MYPN: variants seen among roughly 807,000 people sequenced by gnomAD.
The protein encoded by MYPN is myopalladin.
MYPN carries 63 observed loss-of-function variants against 129.4 expected under a neutral mutation model. That is an observed-to-expected ratio of 0.49 (90% confidence interval 0.40 to 0.60). MYPN has a LOEUF of 0.60. Among genes scored for constraint, MYPN ranks in the 20% least tolerant of loss-of-function variants. The pLI is 0.00. For synonymous variants in MYPN, 629 were observed against 600.9 expected (o/e 1.05, Z -0.68); for missense variants, 1,596 against 1,635.4 (o/e 0.98, Z 0.42).
rs372631277 is a variant in MYPN at position 68,175,068 on chromosome 10, G to A, written c.2565-255G>A. Among the ~76,000 whole-genome samples, 27 of 151,330 alleles carry A rather than the reference G, an allele frequency of 1.8e-4. 1 individual carries two copies. The East Asian group carries it at 2.0e-3, about 11-fold the overall frequency. ...AGGAGAATCATTGAACCCAAGAGGC[G>A]GAGGTTGCAGTGAGCCGAGATCACA... On this transcript the variant is annotated intron_variant, in intron 11 of 19. Transcript: ENST00000358913.
chr10:68,177,183 A>C (rs1401337945), intron 12 of MYPN, among the ~76,000 whole-genome samples: 1 of 152,230 alleles, frequency 6.6e-6, no homozygotes, highest in Non-Finnish European at 1.5e-5. Flanking sequence ...GTGTACATGT[A>C]AACGTGAAAT....
At chr10:68,124,091 C>T (rs1462997050) in intron 2 of MYPN, among the ~76,000 whole-genome samples, 1 of 152,174 alleles carries the variant, frequency 6.6e-6, no homozygotes, top group Non-Finnish European at 1.5e-5. Flanking sequence ...GTGCAAGTTT[C>T]AGGACGCCTC....
At chr10:68,126,409 G>A (rs1282563007) in intron 2 of MYPN, among the ~76,000 whole-genome samples, 1 of 152,172 alleles carries the variant, frequency 6.6e-6, no homozygotes, top group Admixed American at 6.5e-5. Context: ...AACCATTTAA[G>A]GTTATGTATA....
In MYPN at chr10:68,194,459, T is replaced by G. The variant is rs745989096; in HGVS notation, c.3022T>G (p.Ser1008Ala). 6.2e-7 allele frequency: 1 copy of G among 1,613,936 alleles called. No individual in the cohort carries two copies. ...GDGTCSLHIESTTSDDDGNYT... is the reference protein window; with the variant it reads ...GDGTCSLHIEATTSDDDGNYT... ...TGGGACATGCTCTCTGCACATTGAATCCACTACCAGTGATGACGATGGCAA... is the reference window on the plus strand; with the variant it reads ...TGGGACATGCTCTCTGCACATTGAAGCCACTACCAGTGATGACGATGGCAA... Residue 1008 changes from serine to alanine, a missense_variant, in exon 14 of 20, where the codon TCC becomes GCC. Coordinates refer to ENST00000358913, the MANE Select transcript of MYPN (RefSeq NM_032578.4).
At chr10:68,188,807 C>A (rs1370631563) in intron 12 of MYPN, 98 bp from the exon 13 acceptor site, 2 of 977,666 alleles carry the variant, frequency 2.0e-6, no homozygotes, top group Non-Finnish European at 3.2e-6. Flanking sequence ...TGGTATAAAT[C>A]TAACGTCTGA....
Position 68,142,922 on chromosome 10 carries a change from A to G in MYPN, c.903-18A>G. 1 of 1,613,310 alleles carries G rather than the reference A, an allele frequency of 6.2e-7. No individual in the cohort carries two copies. The highest frequency in any genetic ancestry group is 8.5e-7 in the Non-Finnish European group (1 of 1,179,208). On this transcript the variant is annotated intron_variant, in intron 2 of 19. Transcript: ENST00000358913. ...TGCATTTGAGTCATGTCCAATGACC[A>G]TATCCTTTTCCCTGCAGGTGGTACT...
At chr10:68,158,136 T>C in intron 6 of MYPN, 1 of 225,498 alleles carries the variant, frequency 4.4e-6, no homozygotes, top group Admixed American at 5.2e-5. Context: ...CAGAATTAAT[T>C]CAGCTGATCA....
intron 1 of MYPN, among the ~76,000 whole-genome samples, chr10:68,119,151 G>C (rs1365920430): frequency 6.6e-6 from 1 of 151,882 alleles, no homozygotes; most frequent in Non-Finnish European, 1.5e-5. Context: ...ACATGTAGTT[G>C]GTGCACAAAT....
intron 2 of MYPN, among the ~76,000 whole-genome samples, chr10:68,131,966 TTTGGGTGTGTTC>T (rs1311997720): frequency 6.6e-6 from 1 of 152,182 alleles, no homozygotes; most frequent in African/African-American, 2.4e-5. Context: ...TCTATAGATT[TTTGGGTGTGTTC>T]TTCCTTTATA....
chr10:68,131,362 C>T (rs1338595946), intron 2 of MYPN, among the ~76,000 whole-genome samples: 1 of 150,926 alleles, frequency 6.6e-6, no homozygotes, highest in Non-Finnish European at 1.5e-5. Flanking sequence ...GCACTCCAGC[C>T]TGGGCAACAG....
At chr10:68,150,312 G>T (rs1041800196) in intron 6 of MYPN, among the ~76,000 whole-genome samples, 3 of 152,110 alleles carry the variant, frequency 2.0e-5, no homozygotes, top group Admixed American at 1.3e-4. Context: ...TGAGAGAAAT[G>T]TCTTTCCCTC....
chr10:68,124,059 G>C lies in MYPN; in HGVS notation c.902+1719G>C, dbSNP rs192622896. ...ATCTTTTATTTGCCTACCATGGTCA[G>C]CTTTTCTGTGAGGCAAATGCAGTGC... On this transcript the variant is annotated intron_variant, in intron 2 of 19. Coordinates refer to ENST00000358913, the MANE Select transcript of MYPN (RefSeq NM_032578.4). Among the ~76,000 whole-genome samples, 284 of 152,296 alleles carry C rather than the reference G, an allele frequency of 1.9e-3. 1 individual carries two copies. The highest frequency in any genetic ancestry group is 6.5e-3 in the African/African-American group (272 of 41,564).
intron 6 of MYPN, among the ~76,000 whole-genome samples, chr10:68,156,688 G>A (rs2042880489): frequency 6.6e-6 from 1 of 152,122 alleles, no homozygotes; most frequent in South Asian, 2.1e-4. Context: ...AAGTACGATA[G>A]GACCAAGTAC....
intron 5 of MYPN, among the ~76,000 whole-genome samples, chr10:68,148,854 A>G (rs2042716894): frequency 6.6e-6 from 1 of 152,178 alleles, no homozygotes; most frequent in Non-Finnish European, 1.5e-5. Context: ...GCATGTAGTT[A>G]TTTTTTAGAA....
At chr10:68,151,067 G>T (rs2134101662) in intron 6 of MYPN, among the ~76,000 whole-genome samples, 1 of 152,250 alleles carries the variant, frequency 6.6e-6, no homozygotes. Context: ...ACAACACATA[G>T]GATGACAGCC....
chr10:68,144,252 C>T (rs1180719917), intron 3 of MYPN, among the ~76,000 whole-genome samples: 2 of 152,090 alleles, frequency 1.3e-5, no homozygotes, highest in African/African-American at 4.8e-5. Context: ...TTATCTTATC[C>T]TCTGAATTTT....
chr10:68,135,765 GT>G (rs1404086025), intron 2 of MYPN, among the ~76,000 whole-genome samples: 3 of 152,204 alleles, frequency 2.0e-5, no homozygotes, highest in Non-Finnish European at 2.9e-5. Flanking sequence ...TGTGCTAGGT[GT>G]GGGATAGACA....
intron 10 of MYPN, among the ~76,000 whole-genome samples, chr10:68,170,994 C>T (rs1331150999): frequency 6.6e-6 from 1 of 151,620 alleles, no homozygotes; most frequent in Admixed American, 6.6e-5. Context: ...ACTAAAAATA[C>T]AAAAATTAGC....
chr10:68,107,507 A>AT (rs34774320), upstream of MYPN, among the ~76,000 whole-genome samples: 3,655 of 143,130 alleles, frequency 0.026, 187 homozygotes, highest in East Asian at 0.2. Flanking sequence ...CGCCCTGCTA[A>AT]TTTTTTTTTT....
Sources: gnomAD v4.1 joint callset for allele counts (sites outside exome capture counted in the v4.1 genomes callset) on GRCh38, gnomAD v4.1.1 for gene constraint, MANE v1.5 for transcripts, NCBI Gene and HGNC (gene_info 2026-07-23, HGNC 2026-07-21) for gene names.